Variants in TENM1 observed in about 807,000 individuals in gnomAD.
TENM1 encodes the protein teneurin-1.
TENM1 carries 35 observed loss-of-function variants against 174.8 expected under a neutral mutation model. That is an observed-to-expected ratio of 0.20 (90% CI 0.15 to 0.27). The LOEUF (loss-of-function observed/expected upper bound fraction) is 0.27. TENM1 is among the 10% of genes least tolerant of loss of function. The pLI, the probability that TENM1 is intolerant of heterozygous loss-of-function variation, is 1.00. For missense variants in TENM1, 1,633 were observed against 2,130.1 expected (o/e 0.77, Z 4.59); for synonymous variants, 781 against 798.7 (o/e 0.98, Z 0.37).
intron 18 of TENM1, among the ~76,000 whole-genome samples, chrX:124,504,583 C>T (rs1385811092): frequency 2.7e-5 from 3 of 111,367 alleles, no homozygotes; most frequent in African/African-American, 9.8e-5. Flanking sequence ...ATGTTCTAAG[C>T]CTGAGAACAC....
exon 28 of TENM1, chrX:124,392,181 T>C (rs2076165): frequency 0.12 from 149,829 of 1,208,892 alleles, 7,168 homozygotes; most frequent in East Asian, 0.3. Context: ...ATCCCGAAGG[T>C]GAATATGTGA....
chrX:124,885,137 C>A (rs1172756696), intron 3 of TENM1, among the ~76,000 whole-genome samples: 1 of 110,885 alleles, frequency 9.0e-6, no homozygotes, highest in African/African-American at 3.3e-5. Flanking sequence ...GACCAAAACA[C>A]TCTTATACAG....
At chrX:124,843,792 C>A (rs774056025) in intron 3 of TENM1, among the ~76,000 whole-genome samples, 1 of 111,525 alleles carries the variant, frequency 9.0e-6, no homozygotes, top group East Asian at 2.8e-4. Context: ...GGCTTCACTA[C>A]CTCTTAAAGA....
At chrX:124,646,097 C>G (rs1025909542) in intron 9 of TENM1, among the ~76,000 whole-genome samples, 4 of 112,122 alleles carry the variant, frequency 3.6e-5, no homozygotes, top group African/African-American at 6.5e-5. Context: ...CAGAAAACAT[C>G]TCTGAAATAA....
the TENM1 span, among the ~76,000 whole-genome samples, chrX:125,024,366 GCACA>G: frequency 0.034 from 3,545 of 103,277 alleles, 164 homozygotes; most frequent in African/African-American, 0.12. Context: ...ACATACATAT[GCACA>G]CACACACACA....
intron 3 of TENM1, among the ~76,000 whole-genome samples, chrX:124,764,168 T>C (rs2054486074): frequency 8.9e-6 from 1 of 111,969 alleles, no homozygotes; most frequent in Non-Finnish European, 1.9e-5. Flanking sequence ...TTTGCCTCCC[T>C]GGAGAGGAGA....
intron 18 of TENM1, among the ~76,000 whole-genome samples, chrX:124,515,169 T>C (rs762785723): frequency 3.6e-5 from 4 of 111,506 alleles, no homozygotes; most frequent in African/African-American, 1.3e-4. Flanking sequence ...AAACTCTCTA[T>C]AATAAACTAG....
chrX:125,106,261 C>G, the TENM1 span, among the ~76,000 whole-genome samples: 2 of 111,653 alleles, frequency 1.8e-5, no homozygotes, highest in African/African-American at 6.5e-5. Context: ...AGTTCACTTA[C>G]GTATTTGTTT....
chrX:125,042,868 G>A, the TENM1 span, among the ~76,000 whole-genome samples: 2 of 111,078 alleles, frequency 1.8e-5, no homozygotes, highest in Non-Finnish European at 3.8e-5. Flanking sequence ...ATATCTGGAT[G>A]GATGATAGGT....
the TENM1 span, among the ~76,000 whole-genome samples, chrX:125,071,066 G>A: frequency 9.0e-6 from 1 of 111,171 alleles, no homozygotes; most frequent in Non-Finnish European, 1.9e-5. Flanking sequence ...CATGTTACAT[G>A]CTCTAATTTC....
At chrX:124,692,955 C>A (rs1284439433) in intron 5 of TENM1, among the ~76,000 whole-genome samples, 10 of 99,529 alleles carry the variant, frequency 1.0e-4, no homozygotes, top group African/African-American at 3.8e-4. Flanking sequence ...TTGCAGTGAG[C>A]CAAGATCATG....
At position 124,954,695 on chromosome X, in the gene TENM1, T is replaced by C. The variant is rs978735001; in HGVS notation, c.217+8842A>G. Reference sequence around the variant, plus strand: ...CACCACCATGATAATTATCTTTACATCACAGGGTTGCAAATAAGGACTAAA... The same window carrying C: ...CACCACCATGATAATTATCTTTACACCACAGGGTTGCAAATAAGGACTAAA... On this transcript the variant is annotated intron_variant, in intron 1 of 31. Coordinates refer to ENST00000422452, the Ensembl canonical transcript of TENM1. Among the ~76,000 whole-genome samples, 6 of 111,281 alleles carry C rather than the reference T, an allele frequency of 5.4e-5. No individual in the cohort carries two copies. The East Asian group carries it at 1.4e-3, about 26-fold the overall frequency.
At chrX:125,115,777 T>C in the TENM1 span, among the ~76,000 whole-genome samples, 1 of 110,912 alleles carries the variant, frequency 9.0e-6, no homozygotes, top group Non-Finnish European at 1.9e-5. Context: ...TGCTCATGAA[T>C]AGGAAGAATC....
At chrX:124,826,975 TAC>T (rs2056177246) in intron 3 of TENM1, among the ~76,000 whole-genome samples, 1 of 112,095 alleles carries the variant, frequency 8.9e-6, no homozygotes, top group Non-Finnish European at 1.9e-5. Context: ...CTCTCCAAAT[TAC>T]AGATTCTTTG....
At chrX:124,511,004 A>G (rs2047571743) in intron 18 of TENM1, among the ~76,000 whole-genome samples, 1 of 112,298 alleles carries the variant, frequency 8.9e-6, no homozygotes, top group Non-Finnish European at 1.9e-5. Context: ...TGCTTATGAA[A>G]GTATTAGTGA....
chrX:124,457,914 T>C (rs1482240052), intron 22 of TENM1, among the ~76,000 whole-genome samples: 2 of 112,020 alleles, frequency 1.8e-5, no homozygotes, highest in African/African-American at 6.5e-5. Flanking sequence ...AAAGCAGTCA[T>C]AACATTCTCT....
At chrX:124,449,742 A>T (rs1167849551) in intron 23 of TENM1, among the ~76,000 whole-genome samples, 1 of 111,810 alleles carries the variant, frequency 8.9e-6, no homozygotes, top group Non-Finnish European at 1.9e-5. Flanking sequence ...CTCTATTAAA[A>T]AAGGGTTTGT....
chrX:124,422,933 T>C (rs760634554), intron 23 of TENM1, among the ~76,000 whole-genome samples: 3 of 111,949 alleles, frequency 2.7e-5, no homozygotes, highest in Non-Finnish European at 3.8e-5. Context: ...GCAGCAACAG[T>C]ATTATCTGGG....
At chrX:125,152,253 A>T in the TENM1 span, among the ~76,000 whole-genome samples, 1,131 of 98,537 alleles carry the variant, frequency 0.011, 9 homozygotes, top group Non-Finnish European at 0.016. Context: ...TTGTATTTTT[A>T]AAAAAAAAAA....
Sources: gnomAD v4.1 joint callset for allele counts (sites outside exome capture counted in the v4.1 genomes callset) on GRCh38, gnomAD v4.1.1 for gene constraint, MANE v1.5 for transcripts, NCBI Gene and HGNC (gene_info 2026-07-23, HGNC 2026-07-21) for gene names.